The following GAN variants were observed in gnomAD, a reference collection of about 807,000 sequenced individuals.
GAN encodes epididymis secretory sperm binding protein.
In GAN, 48 loss-of-function variants were observed where a neutral mutation model predicts 71.3. The ratio of observed to expected loss-of-function variants is 0.67; its 90% CI spans 0.53 to 0.86. The LOEUF is 0.86. Ranked by LOEUF, GAN falls within the 40% of genes least tolerant of loss-of-function variation. The pLI is 0.00. For synonymous variants in GAN, 386 were observed against 276.8 expected, an observed-to-expected ratio of 1.39 and a Z score of -3.92; for missense variants, 928 against 770.1, an observed-to-expected ratio of 1.21 and a Z score of -2.43.
intron 1 of GAN, 91 bp downstream of exon 1, chr16:81,315,371 C>A: frequency 2.2e-6 from 2 of 906,902 alleles, no homozygotes; most frequent in Non-Finnish European, 2.9e-6. Context: ...CAGACCCTGT[C>A]CCCTGTCCCC....
chr16:81,328,868 G>A (rs1909477609), intron 1 of GAN, among the ~76,000 whole-genome samples: 1 of 152,090 alleles, frequency 6.6e-6, no homozygotes, highest in South Asian at 2.1e-4. Context: ...GCCACATGTG[G>A]TCTTGGTCAC....
Position 81,385,024 on chromosome 16 carries a change from G to C in GAN, c.*7428G>C, listed in dbSNP as rs750386566. On this transcript the variant is annotated 3_prime_UTR_variant, in exon 11 of 11. Transcript: ENST00000648994. Reference sequence around the variant, plus strand: ...GAGTTATGCCCATTTCTAAAAGCCTGGCATATTTGGTATAACTTAAGCACC... The same window carrying C: ...GAGTTATGCCCATTTCTAAAAGCCTCGCATATTTGGTATAACTTAAGCACC... 6.5e-6 allele frequency: 1 copy of C among 154,242 alleles called. No individual in the cohort carries two copies. 9.6% of individuals were successfully genotyped at this position (154,242 alleles called of 1,614,324 possible). A position where few individuals can be genotyped will look rare whatever the true frequency, so the allele number is the denominator to read the frequency against.
chr16:81,325,981 T>C (rs1909372647), intron 1 of GAN, among the ~76,000 whole-genome samples: 1 of 152,208 alleles, frequency 6.6e-6, no homozygotes, highest in Non-Finnish European at 1.5e-5. Flanking sequence ...TAATTTCATA[T>C]TCATCCTTCA....
In GAN at chr16:81,383,094, C is replaced by G. The variant is rs182558; in HGVS notation, c.*5498C>G. ...ACTACAGGCATGAGCCACCACGCTC[C>G]GTAGAAAGTTTGTTCTTTTTCAGTT... On this transcript the variant is annotated 3_prime_UTR_variant, in exon 11 of 11. Transcript: ENST00000648994. 12 of 152,206 alleles carry G rather than the reference C, an allele frequency of 7.9e-5. No homozygotes were observed. In the East Asian group the frequency reaches 1.2e-3, roughly 15 times the overall value. 9.4% of individuals were successfully genotyped at this position (152,206 alleles called of 1,614,324 possible). A position where few individuals can be genotyped will look rare whatever the true frequency, so the allele number is the denominator to read the frequency against.
At chr16:81,338,680 G>T (rs978677125) in intron 1 of GAN, among the ~76,000 whole-genome samples, 1 of 152,178 alleles carries the variant, frequency 6.6e-6, no homozygotes, top group African/African-American at 2.4e-5. Flanking sequence ...AGACAATAAG[G>T]GAGAATAAGA....
chr16:81,349,185 C>T (rs1247627651), intron 1 of GAN, among the ~76,000 whole-genome samples: 1 of 152,106 alleles, frequency 6.6e-6, no homozygotes, highest in Non-Finnish European at 1.5e-5. Flanking sequence ...ATCTTTCACC[C>T]CCTGCCCCAC....
At chr16:81,348,711 A>G (rs1021085940) in intron 1 of GAN, among the ~76,000 whole-genome samples, 1 of 152,208 alleles carries the variant, frequency 6.6e-6, no homozygotes, top group Non-Finnish European at 1.5e-5. Flanking sequence ...AATGTGCAGG[A>G]AGCTCAGAGC....
Position 81,318,416 on chromosome 16 carries a change from A to G in GAN, c.167+3136A>G, listed in dbSNP as rs950595385. Among the ~76,000 whole-genome samples, 3 of 152,328 alleles carry G rather than the reference A, an allele frequency of 2.0e-5. No homozygotes were observed. In the East Asian group the frequency reaches 5.8e-4, roughly 29 times the overall value. ...GGTAGCTCACACCTGTAATCCTAGC[A>G]CTGTGAGAGGTGGAGGCGGGAGGAT... On this transcript the variant is annotated intron_variant, in intron 1 of 10. Transcript: ENST00000648994.
At chr16:81,357,695 A>T (rs1160572434) in intron 4 of GAN, 115 bp from the exon 5 acceptor site, 1 of 1,011,608 alleles carries the variant, frequency 9.9e-7, no homozygotes, top group Non-Finnish European at 1.6e-6. Flanking sequence ...GACTTCCACA[A>T]GGGTTTTTAA....
intron 1 of GAN, among the ~76,000 whole-genome samples, chr16:81,322,925 C>T (rs1017433609): frequency 7.2e-5 from 11 of 152,156 alleles, no homozygotes; most frequent in African/African-American, 2.4e-4. Flanking sequence ...AGAACATTCA[C>T]TAGAAATGAA....
At chr16:81,318,910 C>T (rs182623346) in intron 1 of GAN, among the ~76,000 whole-genome samples, 275 of 152,308 alleles carry the variant, frequency 1.8e-3, no homozygotes, top group African/African-American at 6.4e-3. Flanking sequence ...TCCCTCAGCT[C>T]AGTAAATGGC....
intron 1 of GAN, among the ~76,000 whole-genome samples, chr16:81,334,551 C>T (rs1259326573): frequency 6.6e-6 from 1 of 152,202 alleles, no homozygotes; most frequent in Non-Finnish European, 1.5e-5. Flanking sequence ...AAAGCCTCCT[C>T]CTGTGGCCAG....
Position 81,354,720 on chromosome 16 carries a change from A to G in GAN, c.598A>G (p.Ile200Val). ...TGAAAGATATGTCTTTGAAGCAGTA[A>G]TTCGATGGATAGCACATGATACAGA... ...GNERYVFEAV[I>V]RWIAHDTEIR... The change falls in exon 3 of 11, where the codon ATT (isoleucine) becomes GTT (valine). Residue 200 changes from isoleucine (I) to valine (V), a missense_variant. Physicochemically the swap from Ile to Val is conservative, Grantham distance 29. Coordinates refer to ENST00000648994, the MANE Select transcript of GAN (RefSeq NM_022041.4). 1 of 1,605,048 alleles carries G rather than the reference A, an allele frequency of 6.2e-7. No individual in the cohort carries two copies. The highest frequency in any genetic ancestry group is 8.5e-7 in the Non-Finnish European group (1 of 1,171,654).
At chr16:81,315,615 C>T (rs1490511940) in intron 1 of GAN, among the ~76,000 whole-genome samples, 1 of 152,124 alleles carries the variant, frequency 6.6e-6, no homozygotes, top group African/African-American at 2.4e-5. Context: ...CTGAGGCCCC[C>T]AGACGCCGTC....
chr16:81,316,307 A>T (rs1415644222), intron 1 of GAN, among the ~76,000 whole-genome samples: 1 of 152,066 alleles, frequency 6.6e-6, no homozygotes, highest in African/African-American at 2.4e-5. Context: ...AAGCAAAATG[A>T]TGTGTATTCT....
chr16:81,356,720 G>A, intron 3 of GAN, 65 bp from the exon 4 acceptor site: 1 of 1,117,462 alleles, frequency 8.9e-7, no homozygotes, highest in Non-Finnish European at 1.4e-6. Context: ...GGAAAATGTA[G>A]ATTCTAAAAA....
At chr16:81,327,619 A>G (rs1166966577) in intron 1 of GAN, among the ~76,000 whole-genome samples, 1 of 150,164 alleles carries the variant, frequency 6.7e-6, no homozygotes, top group African/African-American at 2.5e-5. Flanking sequence ...AAGGCATAAA[A>G]TCTTCCTTGT....
intron 1 of GAN, among the ~76,000 whole-genome samples, chr16:81,336,701 C>G (rs1257673175): frequency 6.6e-6 from 1 of 151,556 alleles, no homozygotes; most frequent in African/African-American, 2.4e-5. Context: ...TGGTCTCAAA[C>G]TCCTAGGCTC....
In GAN at chr16:81,381,542, A is replaced by C. The variant is rs1374940030; in HGVS notation, c.*3946A>C. On this transcript the variant is annotated 3_prime_UTR_variant, in exon 11 of 11. Coordinates refer to ENST00000648994, the MANE Select transcript of GAN (RefSeq NM_022041.4). ...GAAGAGAGCAGCTGAGTGTAGCAAA[A>C]CCCGCCTTGGGTCAGCCAACACATG... 1 of 152,028 alleles carries C rather than the reference A, an allele frequency of 6.6e-6. No homozygotes were observed. The highest frequency in any genetic ancestry group is 6.5e-5 in the Admixed American group (1 of 15,270). The allele number at this position is 152,028 out of a possible 1,614,324, so 9.4% of individuals were successfully genotyped here. A position where few individuals can be genotyped will look rare whatever the true frequency, so the allele number is the denominator to read the frequency against.
Sources: allele counts gnomAD v4.1 joint callset (sites outside exome capture counted in the v4.1 genomes callset), GRCh38; gene constraint gnomAD v4.1.1; transcripts MANE v1.5; gene names NCBI Gene and HGNC (gene_info 2026-07-23, HGNC 2026-07-21).